The following TJP1 variants were observed in gnomAD, a reference collection of about 807,000 sequenced individuals.
The protein encoded by TJP1 is tight junction protein 1.
In TJP1, 43 loss-of-function variants were observed where a neutral mutation model predicts 194.2. The observed-to-expected ratio is 0.22, with a 90% confidence interval of 0.17 to 0.29. The LOEUF is 0.29. Ranked by LOEUF, TJP1 falls within the 10% of genes least tolerant of loss-of-function variation. The pLI, the probability that TJP1 is intolerant of heterozygous loss-of-function variation, is 1.00. For synonymous variants in TJP1, 801 were observed against 779.0 expected (o/e 1.03, Z -0.47); for missense variants, 1,971 against 2,185.7 (o/e 0.90, Z 1.96).
chr15:29,822,123 TC>T lies in TJP1; in HGVS notation c.-96del. ...TCACGCCACAGCCCAAATAAACATC[TC>T]CCGAGAGCGAGCGGGGCACGGGCGG... On this transcript the variant is annotated 5_prime_UTR_variant, in exon 1 of 28. Transcript: ENST00000614355. The T allele has an allele frequency of 8.4e-7, 1 of 1,195,434 alleles. No homozygotes were observed. Among genetic ancestry groups the T allele is most frequent in the Non-Finnish European group, 1.0e-6 (1 of 963,490 alleles). 74.1% of individuals were successfully genotyped at this position (1,195,434 alleles called of 1,614,324 possible). A position where few individuals can be genotyped will look rare whatever the true frequency, so the allele number is the denominator to read the frequency against.
rs960821749 is a variant in TJP1, at chr15:29,718,898, C to A, written c.3244G>T (p.Asp1082Tyr). ...TGTTCTTCATACATGGGGACGCGAT[C>A]TTCGTATCGCAGACGATGTTCATAG... Reference protein sequence around the residue: ...RNYEHRLRYEDRVPMYEEQWS... With the variant: ...RNYEHRLRYEYRVPMYEEQWS... The change falls in exon 21 of 28, where the codon GAT becomes TAT. Residue 1082 changes from aspartate (D) to tyrosine (Y), a missense_variant. This residue lies in a region of TJP1 where 1,108 missense variants were observed against 1,128.5 expected (regional missense o/e 0.98). Transcript: ENST00000614355. 2 of 1,614,196 alleles carry A rather than the reference C, an allele frequency of 1.2e-6. No homozygotes were observed. The highest frequency in any genetic ancestry group is 2.7e-5 in the African/African-American group (2 of 75,044).
At chr15:29,746,364 T>C (rs1236395347) in intron 8 of TJP1, among the ~76,000 whole-genome samples, 4 of 149,782 alleles carry the variant, frequency 2.7e-5, no homozygotes, top group East Asian at 2.0e-4. Context: ...GACGACAGAG[T>C]GAGACTCCGT....
At chr15:29,963,561 G>A (rs1158145241) in intron 1 of TJP1, among the ~76,000 whole-genome samples, 1 of 152,148 alleles carries the variant, frequency 6.6e-6, no homozygotes, top group Non-Finnish European at 1.5e-5. Context: ...ATAGTGCATG[G>A]CCTTAAATAA....
At chr15:29,701,897 A>AT (rs1180255095) in intron 27 of TJP1, among the ~76,000 whole-genome samples, 2 of 152,128 alleles carry the variant, frequency 1.3e-5, no homozygotes, top group Non-Finnish European at 2.9e-5. Context: ...TTCTAAAAAA[A>AT]TTTTTTTTAA....
intron 1 of TJP1, among the ~76,000 whole-genome samples, chr15:29,956,678 G>A (rs1436513386): frequency 2.0e-5 from 3 of 152,018 alleles, no homozygotes; most frequent in Non-Finnish European, 4.4e-5. Context: ...CCAGGGGTTC[G>A]AGCCCAGCCT....
At chr15:29,950,644 C>T (rs973845845) in intron 2 of TJP1, among the ~76,000 whole-genome samples, 2 of 152,188 alleles carry the variant, frequency 1.3e-5, no homozygotes, top group African/African-American at 4.8e-5. Flanking sequence ...AGGGGCCAGT[C>T]CCTTCCACAG....
intron 10 of TJP1, 34 bp downstream of exon 10, chr15:29,741,297 C>CA (rs763507754): frequency 1.4e-5 from 21 of 1,489,384 alleles, no homozygotes; most frequent in Non-Finnish European, 1.1e-5. Context: ...TAATAATGAA[C>CA]AAAGAAAACA....
At chr15:29,801,484 C>T (rs1417765125) in intron 1 of TJP1, among the ~76,000 whole-genome samples, 10 of 144,030 alleles carry the variant, frequency 6.9e-5, no homozygotes, top group African/African-American at 2.6e-4. Context: ...TTTTTTGAGA[C>T]GGAGTCTCGC....
intron 5 of TJP1, among the ~76,000 whole-genome samples, chr15:29,765,879 C>A (rs1353399273): frequency 3.9e-5 from 6 of 151,968 alleles, no homozygotes; most frequent in Non-Finnish European, 8.8e-5. Context: ...GTGACAGAGC[C>A]AGACCTTGTA....
At chr15:29,945,210 C>G (rs1172759010) in intron 2 of TJP1, among the ~76,000 whole-genome samples, 1 of 152,156 alleles carries the variant, frequency 6.6e-6, no homozygotes, top group African/African-American at 2.4e-5. Context: ...AAGGTCTAGG[C>G]CCTAACACTG....
At chr15:29,950,143 A>AACCACCACCTCCACC (rs1404269869) in intron 2 of TJP1, among the ~76,000 whole-genome samples, 1 of 10,344 alleles carries the variant, frequency 9.7e-5, no homozygotes, top group Admixed American at 1.1e-3. Context: ...CCACCACCAC[A>AACCACCACCTCCACC]ACCACCACCT....
At chr15:29,903,452 T>C (rs1422365677) in intron 2 of TJP1, among the ~76,000 whole-genome samples, 1 of 146,422 alleles carries the variant, frequency 6.8e-6, no homozygotes, top group Non-Finnish European at 1.5e-5. Flanking sequence ...TTTCAGAATC[T>C]TTTTTTTTTT....
At chr15:29,766,952 C>G (rs1349894480) in intron 4 of TJP1, among the ~76,000 whole-genome samples, 1 of 152,170 alleles carries the variant, frequency 6.6e-6, no homozygotes. Context: ...AACTTGCTTC[C>G]TTAAAAATTT....
intron 15 of TJP1, chr15:29,729,060 T>C (rs2043424957): frequency 6.6e-6 from 1 of 152,266 alleles, no homozygotes; most frequent in South Asian, 2.1e-4. Flanking sequence ...GTCATCATAC[T>C]TGCTTTTCCC....
chr15:29,923,455 G>A (rs1049533543), intron 2 of TJP1, among the ~76,000 whole-genome samples: 21 of 152,156 alleles, frequency 1.4e-4, no homozygotes, highest in African/African-American at 5.1e-4. Flanking sequence ...CTGCTGATGT[G>A]ATATAAGCTC....
upstream of TJP1, among the ~76,000 whole-genome samples, chr15:29,824,927 T>C (rs1194944161): frequency 6.6e-6 from 1 of 152,212 alleles, no homozygotes; most frequent in Non-Finnish European, 1.5e-5. Context: ...CAAACAAAAA[T>C]ATTTCATCTT....
At chr15:29,753,318 C>A (rs142463893) in intron 8 of TJP1, among the ~76,000 whole-genome samples, 1 of 151,494 alleles carries the variant, frequency 6.6e-6, no homozygotes, top group Admixed American at 6.6e-5. Flanking sequence ...CCCGTCTCTA[C>A]TAAAAAACAC....
At chr15:29,948,665 G>C (rs1411172831) in intron 2 of TJP1, among the ~76,000 whole-genome samples, 1 of 152,138 alleles carries the variant, frequency 6.6e-6, no homozygotes, top group African/African-American at 2.4e-5. Flanking sequence ...CCTACGCAGA[G>C]GAGGGGAGAT....
At chr15:29,885,416 G>C (rs1264096635) in intron 2 of TJP1, among the ~76,000 whole-genome samples, 2 of 152,232 alleles carry the variant, frequency 1.3e-5, no homozygotes, top group Non-Finnish European at 2.9e-5. Context: ...ACTTCTGAAG[G>C]CTGTGGGGAG....
Sources: allele counts gnomAD v4.1 joint callset (sites outside exome capture counted in the v4.1 genomes callset), GRCh38; gene constraint gnomAD v4.1.1; regional missense constraint gnomAD v4.1.1; transcripts MANE v1.5; gene names NCBI Gene and HGNC (gene_info 2026-07-23, HGNC 2026-07-21).